PUM1: variants seen among roughly 807,000 people sequenced by gnomAD.
PUM1 encodes pumilio homolog 1.
Under a neutral mutation model 131.8 loss-of-function variants are expected in PUM1, and 13 were observed. The ratio of observed to expected loss-of-function variants is 0.10; its 90% CI spans 0.06 to 0.16. The LOEUF is 0.16. Ranked by LOEUF, PUM1 falls within the 10% of genes least tolerant of loss-of-function variation. The pLI is 1.00. For synonymous variants in PUM1, 509 were observed against 556.5 expected, an observed-to-expected ratio of 0.91 and a Z score of 1.20; for missense variants, 961 against 1,512.4, an observed-to-expected ratio of 0.64 and a Z score of 6.05.
At chr1:31,058,638 G>A (rs1644302099) in intron 2 of PUM1, among the ~76,000 whole-genome samples, 1 of 143,468 alleles carries the variant, frequency 7.0e-6, no homozygotes, top group African/African-American at 2.6e-5. Flanking sequence ...CTCCAGCCTG[G>A]GCAAAAGAGT....
intron 10 of PUM1, among the ~76,000 whole-genome samples, chr1:30,972,266 A>AAAGAGAAAAGAGAAAAGAGAAAAG: frequency 1.8e-4 from 1 of 5,570 alleles, no homozygotes; most frequent in Non-Finnish European, 2.8e-4. Context: ...AAGAAAAGAA[A>AAAGAGAAAAGAGAAAAGAGAAAAG]AGAAGGGAAG....
At chr1:31,051,373 G>A (rs192394527) in intron 2 of PUM1, among the ~76,000 whole-genome samples, 8 of 149,910 alleles carry the variant, frequency 5.3e-5, no homozygotes, top group Admixed American at 1.3e-4. Flanking sequence ...GCACAATCTC[G>A]GCTCACCGCA....
At chr1:31,024,346 C>T (rs1643147915) in intron 3 of PUM1, among the ~76,000 whole-genome samples, 1 of 152,130 alleles carries the variant, frequency 6.6e-6, no homozygotes, top group Non-Finnish European at 1.5e-5. Context: ...ACCTATGGAT[C>T]AAGTACTATA....
chr1:30,974,714 G>T lies in PUM1; in HGVS notation c.1443C>A (p.Ala481=). ...GATTAGCTGAATTAGTTGCTGCAGC[G>T]GCAGCGGCAGCTTGCTGCTGGAAAA... ...ASLFQQQAAA[A]AAATNSANQQ... Residue 481 remains alanine, a synonymous_variant, in exon 10 of 22, where the codon GCC becomes GCA. Coordinates refer to ENST00000426105, the MANE Select transcript of PUM1 (RefSeq NM_001020658.2). 6.2e-7 allele frequency: 1 copy of T among 1,611,148 alleles called. No individual in the cohort carries two copies. The highest frequency in any genetic ancestry group is 8.5e-7 in the Non-Finnish European group (1 of 1,179,200).
rs1570115068 is a variant in PUM1 at position 30,952,300 on chromosome 1, G to A, written c.2655C>T (p.Ile885=). 6.2e-6 allele frequency: 10 copies of A among 1,613,898 alleles called. No homozygotes were observed. The East Asian group carries it at 2.0e-4, about 32-fold the overall frequency. The change falls in exon 16 of 22, where the codon ATC becomes ATT. Residue 885 remains isoleucine (I), a synonymous_variant. Transcript: ENST00000426105. ...PAERQLVFNE[I]LQAAYQLMVD... ...CCATGAGTTGGTAGGCAGCCTGGAG[G>A]ATTTCATTGAAGACAAGCTGGCGCT...
chr1:31,059,118 T>C, intron 2 of PUM1, 86 bp downstream of exon 2: 3 of 1,455,822 alleles, frequency 2.1e-6, no homozygotes, highest in Non-Finnish European at 2.8e-6. Context: ...ATTTAAGTTT[T>C]TAAAGACATT....
intron 2 of PUM1, among the ~76,000 whole-genome samples, chr1:31,058,630 C>T (rs1644301910): frequency 6.9e-6 from 1 of 145,180 alleles, no homozygotes; most frequent in Non-Finnish European, 1.5e-5. Flanking sequence ...CCAGTGCACT[C>T]CAGCCTGGGC....
chr1:30,938,900 TAGATAGACAGACAGAC>T (rs1306426811), intron 20 of PUM1, among the ~76,000 whole-genome samples: 1,509 of 139,282 alleles, frequency 0.011, 18 homozygotes, highest in African/African-American at 0.034. Context: ...GATAGATAGA[TAGATAGACAGACAGAC>T]AGACAGACAG....
intron 2 of PUM1, among the ~76,000 whole-genome samples, chr1:31,049,281 T>C (rs1211362637): frequency 6.6e-6 from 1 of 152,100 alleles, no homozygotes; most frequent in East Asian, 1.9e-4. Context: ...TCTGGGAGGC[T>C]GAGGCAGGTG....
In PUM1 at chr1:30,941,146, C is replaced by G. The variant is rs780937682; in HGVS notation, c.3242+5G>C. On this transcript the variant is annotated splice_donor_5th_base_variant and intron_variant, in intron 20 of 21. Transcript: ENST00000426105. Reference sequence around the variant, plus strand: ...GAAATAGTCCTTGTAACTCAAAGCACGTACCTTGCAAATTTGTGCTGACTC... The same window carrying G: ...GAAATAGTCCTTGTAACTCAAAGCAGGTACCTTGCAAATTTGTGCTGACTC... 2 of 1,612,394 alleles carry G rather than the reference C, an allele frequency of 1.2e-6. No individual in the cohort carries two copies. The highest frequency in any genetic ancestry group is 1.7e-6 in the Non-Finnish European group (2 of 1,178,976).
At chr1:30,941,371 C>A in intron 19 of PUM1, 99 bp from the exon 20 acceptor site, 1 of 1,290,760 alleles carries the variant, frequency 7.7e-7, no homozygotes. Flanking sequence ...TTTCTTTTAC[C>A]ACCATAACGG....
chr1:30,978,248 C>CA lies in PUM1; in HGVS notation c.1354+1813dup, dbSNP rs1424448482. On this transcript the variant is annotated intron_variant, in intron 9 of 21. Coordinates refer to ENST00000426105, the MANE Select transcript of PUM1 (RefSeq NM_001020658.2). Reference sequence around the variant, plus strand: ...TGGGCGAGAGAGCAAGACTCAGTCTCAAAAAAACAAAAAACAACAAATAAG... The same window carrying CA: ...TGGGCGAGAGAGCAAGACTCAGTCTCAAAAAAAACAAAAAACAACAAATAAG... 2.0e-4 allele frequency among the ~76,000 whole-genome samples: 30 copies of CA among 151,690 alleles called. 1 individual carries two copies.
chr1:31,006,015 C>A lies in PUM1; in HGVS notation c.558G>T (p.Gln186His). ...AWGTSDHSVSQPIMVQRRPGQ... is the reference protein window; with the variant it reads ...AWGTSDHSVSHPIMVQRRPGQ... ...CAGGTCTTCTCTGCACCATGATTGG[C>A]TGGGAAACTGAATGATCTACAAAAA... Residue 186 changes from glutamine to histidine, a missense_variant, in exon 5 of 22, where the codon CAG becomes CAT. By Grantham distance (24) the Gln-to-His change is conservative. Coordinates refer to ENST00000426105, the MANE Select transcript of PUM1 (RefSeq NM_001020658.2). 1 of 1,601,932 alleles carries A rather than the reference C, an allele frequency of 6.2e-7. No individual in the cohort carries two copies. Among genetic ancestry groups the A allele is most frequent in the Non-Finnish European group, 8.5e-7 (1 of 1,175,652 alleles).
At chr1:31,051,290 T>G (rs924428136) in intron 2 of PUM1, among the ~76,000 whole-genome samples, 1 of 151,626 alleles carries the variant, frequency 6.6e-6, no homozygotes, top group African/African-American at 2.4e-5. Context: ...TCAAAATATA[T>G]TCATCCACTG....
At chr1:31,035,441 T>C (rs1557597210) in intron 2 of PUM1, among the ~76,000 whole-genome samples, 1 of 151,440 alleles carries the variant, frequency 6.6e-6, no homozygotes, top group African/African-American at 2.4e-5. Context: ...GATAATATTA[T>C]TCCCATTTTG....
At chr1:30,947,836 G>A (rs1484100113) in intron 17 of PUM1, among the ~76,000 whole-genome samples, 2 of 151,734 alleles carry the variant, frequency 1.3e-5, no homozygotes, top group Non-Finnish European at 2.9e-5. Flanking sequence ...AAAGGCAAGA[G>A]ACACAGTGAT....
chr1:30,967,160 C>A lies in PUM1; in HGVS notation c.1789+7G>T. The A allele has an allele frequency of 6.2e-7, 1 of 1,613,590 alleles. No individual in the cohort carries two copies. The highest frequency in any genetic ancestry group is 8.5e-7 in the Non-Finnish European group (1 of 1,179,568). On this transcript the variant is annotated splice_region_variant and intron_variant, in intron 12 of 21. Coordinates refer to ENST00000426105, the MANE Select transcript of PUM1 (RefSeq NM_001020658.2). ...TCTGGCAGGAGTCCACTCAGATGTG[C>A]GCTCACCTGCTTGTGCAGCTGAGGA...
chr1:31,059,867 CA>C (rs754968975), intron 1 of PUM1, among the ~76,000 whole-genome samples: 11 of 150,070 alleles, frequency 7.3e-5, no homozygotes, highest in Non-Finnish European at 1.6e-4. Flanking sequence ...TTTTTTGAGA[CA>C]AGAGTTTTGC....
At chr1:30,944,626 A>G (rs1434411416) in intron 18 of PUM1, among the ~76,000 whole-genome samples, 1 of 152,230 alleles carries the variant, frequency 6.6e-6, no homozygotes, top group African/African-American at 2.4e-5. Flanking sequence ...AAAAAATTTA[A>G]GCAAAAAGCA....
Sources: gnomAD v4.1 joint callset for allele counts (sites outside exome capture counted in the v4.1 genomes callset) on GRCh38, gnomAD v4.1.1 for gene constraint, MANE v1.5 for transcripts, NCBI Gene and HGNC (gene_info 2026-07-23, HGNC 2026-07-21) for gene names.